Variants in ITGA1 observed in about 807,000 individuals in gnomAD.
The protein encoded by ITGA1 is integrin alpha-1.
Under a neutral mutation model 145.9 loss-of-function variants are expected in ITGA1, and 85 were observed. The ratio of observed to expected loss-of-function variants is 0.58; its 90% CI spans 0.49 to 0.70. ITGA1 has a LOEUF of 0.70. Among genes scored for constraint, ITGA1 ranks in the 30% least tolerant of loss-of-function variants. ITGA1 has a pLI of 0.00. For synonymous variants in ITGA1, 520 were observed against 495.3 expected (o/e 1.05, Z -0.66); for missense variants, 1,351 against 1,418.7 (o/e 0.95, Z 0.77).
chr5:52,930,550 T>C (rs940671779), intron 21 of ITGA1, among the ~76,000 whole-genome samples: 3 of 152,130 alleles, frequency 2.0e-5, no homozygotes, highest in South Asian at 2.1e-4. Flanking sequence ...AACACTCCAT[T>C]ATAGAGATAG....
intron 1 of ITGA1, among the ~76,000 whole-genome samples, chr5:52,795,417 C>A (rs1748322238): frequency 6.6e-6 from 1 of 151,816 alleles, no homozygotes; most frequent in Non-Finnish European, 1.5e-5. Flanking sequence ...GTTTAAGGGT[C>A]ACAAGCTAAG....
intron 11 of ITGA1, among the ~76,000 whole-genome samples, chr5:52,900,027 A>G (rs1750290327): frequency 6.6e-6 from 1 of 152,210 alleles, no homozygotes; most frequent in Non-Finnish European, 1.5e-5. Context: ...TTTATAGGGA[A>G]TAAAAAGATA....
At position 52,910,514 on chromosome 5, in the gene ITGA1, TCCTC is replaced by T. The variant is rs374192076; in HGVS notation, c.1857+97_1857+100del. 2.0e-3 allele frequency: 2,737 copies of T among 1,342,606 alleles called. 59 individuals are homozygous for T. The South Asian group carries it at 0.031, about 15-fold the overall frequency. The allele number at this position is 1,342,606 out of a possible 1,614,324, so 83.2% of individuals were successfully genotyped here. ...TAACTTCATGAGTTATTTAATTTCT[TCCTC>T]CTGACCTTATTGGGAAACTGGATTT... is the stretch of plus-strand genomic sequence containing the variant. On this transcript the variant is annotated intron_variant, in intron 14 of 28. Coordinates refer to ENST00000282588, the MANE Select transcript of ITGA1 (RefSeq NM_181501.2).
intron 6 of ITGA1, among the ~76,000 whole-genome samples, chr5:52,872,280 C>G (rs1445310528): frequency 1.3e-5 from 2 of 152,090 alleles, no homozygotes; most frequent in African/African-American, 4.8e-5. Context: ...GACATGCAGC[C>G]ATACCTTTGT....
intron 6 of ITGA1, among the ~76,000 whole-genome samples, chr5:52,874,916 C>A (rs1749841622): frequency 6.6e-6 from 1 of 152,112 alleles, no homozygotes; most frequent in Non-Finnish European, 1.5e-5. Flanking sequence ...CATTGTTTCC[C>A]AGTCTGAGGT....
In ITGA1 at chr5:52,953,765, G is replaced by C; in HGVS notation, c.*1314G>C. 6.6e-6 allele frequency: 1 copy of C among 152,130 alleles called. No homozygotes were observed. The allele number at this position is 152,130 out of a possible 1,614,324, so 9.4% of individuals were successfully genotyped here. ...ATTTCTTAGGAAAATAGCAATGAAT[G>C]AATGTATAGTAGCTGCATGTGTGAA... On this transcript the variant is annotated 3_prime_UTR_variant, in exon 29 of 29. Transcript: ENST00000282588.
chr5:52,928,033 G>A (rs936191511), intron 20 of ITGA1, among the ~76,000 whole-genome samples: 3 of 152,146 alleles, frequency 2.0e-5, no homozygotes, highest in Admixed American at 1.3e-4. Flanking sequence ...GGTGTTTCCA[G>A]ACACTGAATC....
At chr5:52,827,905 A>G (rs1484466078) in intron 1 of ITGA1, among the ~76,000 whole-genome samples, 3 of 152,220 alleles carry the variant, frequency 2.0e-5, no homozygotes, top group Non-Finnish European at 2.9e-5. Context: ...TGGAAGACCA[A>G]AAAATTTGCA....
At chr5:52,921,193 A>G (rs1257993281) in intron 17 of ITGA1, among the ~76,000 whole-genome samples, 1 of 152,200 alleles carries the variant, frequency 6.6e-6, no homozygotes. Flanking sequence ...AAGAAGCAGC[A>G]TGAAGGTAAT....
At chr5:52,894,194 G>GT (rs551782103) in intron 9 of ITGA1, among the ~76,000 whole-genome samples, 8 of 151,734 alleles carry the variant, frequency 5.3e-5, no homozygotes, top group Admixed American at 1.3e-4. Context: ...TCTGGTTTGG[G>GT]TTTTTTTTGT....
In ITGA1 at chr5:52,910,304, T is replaced by C; in HGVS notation, c.1742T>C (p.Leu581Pro). Residue 581 changes from leucine to proline, a missense_variant, in exon 14 of 29, where the codon CTC (leucine) becomes CCC (proline). Coordinates refer to ENST00000282588, the MANE Select transcript of ITGA1 (RefSeq NM_181501.2). ...ACTGCAATTGCTGCTGTAAAAGACC[T>C]CAATCTTGATGGATTTAATGACATC... ...FGTAIAAVKD[L>P]NLDGFNDIVI... The C allele has an allele frequency of 6.2e-7, 1 of 1,613,972 alleles. No homozygotes were observed. Among genetic ancestry groups the C allele is most frequent in the Non-Finnish European group, 8.5e-7 (1 of 1,179,930 alleles).
At chr5:52,890,216 G>A (rs1750124804) in intron 8 of ITGA1, among the ~76,000 whole-genome samples, 2 of 151,848 alleles carry the variant, frequency 1.3e-5, no homozygotes, top group Admixed American at 6.6e-5. Context: ...CTCAACCCTG[G>A]CTCTACTTTT....
At chr5:52,917,377 A>C (rs1187908989) in intron 15 of ITGA1, among the ~76,000 whole-genome samples, 1 of 152,236 alleles carries the variant, frequency 6.6e-6, no homozygotes, top group Admixed American at 6.5e-5. Flanking sequence ...CTTCCTAAAA[A>C]TGTAAAGATA....
At chr5:52,804,908 A>G (rs1748560563) in intron 1 of ITGA1, among the ~76,000 whole-genome samples, 1 of 152,196 alleles carries the variant, frequency 6.6e-6, no homozygotes, top group Non-Finnish European at 1.5e-5. Flanking sequence ...TTAGAGCCAG[A>G]ACTTAGATAT....
chr5:52,798,808 A>C (rs1319557788), intron 1 of ITGA1, among the ~76,000 whole-genome samples: 1 of 152,160 alleles, frequency 6.6e-6, no homozygotes, highest in East Asian at 1.9e-4. Flanking sequence ...TTTTCATAGA[A>C]ACACTTTATG....
intron 1 of ITGA1, among the ~76,000 whole-genome samples, chr5:52,823,763 A>G (rs1386542478): frequency 6.6e-6 from 1 of 152,260 alleles, no homozygotes; most frequent in Non-Finnish European, 1.5e-5. Context: ...AAAGGAAAAG[A>G]AAGAATTGGA....
chr5:52,855,624 C>T (rs527829158), intron 2 of ITGA1, among the ~76,000 whole-genome samples: 1 of 152,230 alleles, frequency 6.6e-6, no homozygotes, highest in East Asian at 1.9e-4. Context: ...AGGTAGGTTA[C>T]ATCAAATGCC....
At position 52,788,367 on chromosome 5, in the gene ITGA1, C is replaced by A. The variant is rs1748166923; in HGVS notation, c.14C>A (p.Pro5His). ...GCTGCTCCGGCCATGGCCCCTCGGC[C>A]CCGCGCCCGCCCAGGGGTCGCTGTC... MAPR[P>H]RARPGVAVAC... Residue 5 changes from proline (P) to histidine (H), a missense_variant, in exon 1 of 29, where the codon CCC (proline) becomes CAC (histidine). Coordinates refer to ENST00000282588, the MANE Select transcript of ITGA1 (RefSeq NM_181501.2). The A allele has an allele frequency of 6.6e-7, 1 of 1,511,228 alleles. No homozygotes were observed. The highest frequency in any genetic ancestry group is 2.1e-5 in the Admixed American group (1 of 47,598). The allele number at this position is 1,511,228 out of a possible 1,614,324, so 93.6% of individuals were successfully genotyped here.
Position 52,915,519 on chromosome 5 carries a change from A to T in ITGA1, c.1913A>T (p.His638Leu). Residue 638 changes from histidine to leucine, a missense_variant, in exon 15 of 29, where the codon CAC becomes CTC. Transcript: ENST00000282588. ...KTLKFFGQSIHGEMDLNGDGL... is the reference protein window; with the variant it reads ...KTLKFFGQSILGEMDLNGDGL... ...CTGAAATTTTTTGGCCAGTCTATCCACGGAGAAATGGATTTAAATGGTGAC... is the reference window on the plus strand; with the variant it reads ...CTGAAATTTTTTGGCCAGTCTATCCTCGGAGAAATGGATTTAAATGGTGAC... 1 of 1,614,094 alleles carries T rather than the reference A, an allele frequency of 6.2e-7. No individual in the cohort carries two copies. The highest frequency in any genetic ancestry group is 8.5e-7 in the Non-Finnish European group (1 of 1,180,006).
Sources: allele counts gnomAD v4.1 joint callset (sites outside exome capture counted in the v4.1 genomes callset), GRCh38; gene constraint gnomAD v4.1.1; transcripts MANE v1.5; gene names NCBI Gene and HGNC (gene_info 2026-07-23, HGNC 2026-07-21).